Variants in AOPEP observed in about 807,000 individuals in gnomAD.
The protein encoded by AOPEP is aminopeptidase O (putative), also known as aminopeptidase O.
Under a neutral mutation model 98.1 loss-of-function variants are expected in AOPEP, and 77 were observed. That is an observed-to-expected ratio of 0.78 (90% CI 0.65 to 0.95). The LOEUF is 0.95. Ranked by LOEUF, AOPEP falls within the 40% of genes least tolerant of loss-of-function variation. AOPEP has a pLI of 0.00. For synonymous variants in AOPEP, 346 were observed against 365.3 expected, an observed-to-expected ratio of 0.95 and a Z score of 0.60; for missense variants, 1,024 against 1,024.7, an observed-to-expected ratio of 1.00 and a Z score of 0.01.
chr9:95,077,486 T>G (rs974387913), intron 14 of AOPEP, among the ~76,000 whole-genome samples: 2 of 152,204 alleles, frequency 1.3e-5, no homozygotes, highest in African/African-American at 4.8e-5. Context: ...GAGCATGCGC[T>G]GTCCCTGTTT....
intron 2 of AOPEP, among the ~76,000 whole-genome samples, chr9:94,765,724 A>G (rs901104670): frequency 7.2e-5 from 11 of 152,084 alleles, no homozygotes; most frequent in African/African-American, 2.7e-4. Flanking sequence ...AACATATTTG[A>G]AGCTGTAAAG....
chr9:94,927,474 A>G (rs1459725236), intron 6 of AOPEP, among the ~76,000 whole-genome samples: 6 of 152,006 alleles, frequency 3.9e-5, no homozygotes, highest in Non-Finnish European at 7.4e-5. Flanking sequence ...TTCTCTAAGC[A>G]CATCACACAC....
chr9:95,038,240 T>C (rs1238894777), intron 13 of AOPEP, among the ~76,000 whole-genome samples: 1 of 152,186 alleles, frequency 6.6e-6, no homozygotes, highest in Non-Finnish European at 1.5e-5. Context: ...CCTGGAAAAC[T>C]AGATACCATC....
At chr9:94,981,893 C>T (rs2060208443) in intron 11 of AOPEP, among the ~76,000 whole-genome samples, 1 of 152,126 alleles carries the variant, frequency 6.6e-6, no homozygotes, top group African/African-American at 2.4e-5. Flanking sequence ...GGCTTTTTGT[C>T]TTCTCTCAGG....
chr9:95,009,554 G>A (rs952455043), intron 13 of AOPEP, among the ~76,000 whole-genome samples: 2 of 152,104 alleles, frequency 1.3e-5, no homozygotes, highest in African/African-American at 4.8e-5. Context: ...GTATTCATTG[G>A]CTCACTTTCA....
At chr9:95,150,056 G>A in the AOPEP span, 265 of 1,613,952 alleles carry the variant, frequency 1.6e-4, no homozygotes, top group Non-Finnish European at 2.2e-4. Flanking sequence ...ACACAAACTC[G>A]TGACAGGGAC....
At position 95,085,941 on chromosome 9, in the gene AOPEP, G is replaced by T; in HGVS notation, c.*5-741G>T. Reference sequence around the variant, plus strand: ...TCTTGTATTTGCAGTCCAGGCCTTCGCGTCTCCTGCGCCAGCAGACGGTGC... The same window carrying T: ...TCTTGTATTTGCAGTCCAGGCCTTCTCGTCTCCTGCGCCAGCAGACGGTGC... On this transcript the variant is annotated intron_variant, in intron 16 of 16. Transcript: ENST00000375315. 2.3e-6 allele frequency: 3 copies of T among 1,317,242 alleles called. No homozygotes were observed. The South Asian group carries it at 3.7e-5, about 16-fold the overall frequency. 81.6% of individuals were successfully genotyped at this position (1,317,242 alleles called of 1,614,324 possible).
intron 5 of AOPEP, among the ~76,000 whole-genome samples, chr9:94,829,569 G>A (rs1855485563): frequency 6.6e-6 from 1 of 152,136 alleles, no homozygotes; most frequent in African/African-American, 2.4e-5. Flanking sequence ...GCCAGGGTAC[G>A]GGGCAGTTTC....
At chr9:94,828,736 T>A (rs1057512271) in intron 5 of AOPEP, among the ~76,000 whole-genome samples, 4 of 151,202 alleles carry the variant, frequency 2.6e-5, no homozygotes, top group South Asian at 4.2e-4. Context: ...ACACACACAA[T>A]ATATATATAT....
intron 11 of AOPEP, chr9:95,004,234 G>A (rs545540999): frequency 4.4e-6 from 2 of 456,492 alleles, no homozygotes; most frequent in African/African-American, 2.0e-5. Context: ...ATGCGGATGA[G>A]AAGGCCTTTG....
intron 13 of AOPEP, among the ~76,000 whole-genome samples, chr9:95,030,927 T>G (rs1420851680): frequency 6.6e-6 from 1 of 152,258 alleles, no homozygotes; most frequent in Non-Finnish European, 1.5e-5. Flanking sequence ...CTTTCTGGCT[T>G]TTATTAAAAT....
intron 13 of AOPEP, among the ~76,000 whole-genome samples, chr9:95,021,456 T>C (rs1457140718): frequency 6.6e-6 from 1 of 152,210 alleles, no homozygotes; most frequent in Admixed American, 6.5e-5. Context: ...TCCTTGAGTC[T>C]TTATTGAAGA....
intron 13 of AOPEP, among the ~76,000 whole-genome samples, chr9:95,041,446 G>T (rs7853808): frequency 0.065 from 9,170 of 141,968 alleles, 360 homozygotes; most frequent in South Asian, 0.1. Flanking sequence ...AGTCCTTGGG[G>T]GTGTGTGTGT....
the AOPEP span, among the ~76,000 whole-genome samples, chr9:95,138,002 G>C: frequency 6.6e-6 from 1 of 152,272 alleles, no homozygotes; most frequent in Non-Finnish European, 1.5e-5. Context: ...GTGGGGCCTA[G>C]TGTGCTCCTG....
At chr9:95,057,096 C>A (rs1487812456) in intron 13 of AOPEP, among the ~76,000 whole-genome samples, 2 of 152,170 alleles carry the variant, frequency 1.3e-5, no homozygotes, top group Non-Finnish European at 1.5e-5. Flanking sequence ...CACTGTTGGG[C>A]CCCCAGAAAT....
At chr9:95,012,986 T>TGG (rs1337930411) in intron 13 of AOPEP, among the ~76,000 whole-genome samples, 192 of 91,760 alleles carry the variant, frequency 2.1e-3, no homozygotes, top group Middle Eastern at 4.8e-3. Flanking sequence ...TGTTTTTTTT[T>TGG]TGGGGGGGGG....
chr9:94,979,614 C>G (rs752976857), intron 11 of AOPEP, among the ~76,000 whole-genome samples, 187 bp downstream of exon 11: 5 of 152,250 alleles, frequency 3.3e-5, no homozygotes, highest in African/African-American at 4.8e-5. Context: ...GGGTGTGCCT[C>G]TGGCCACTTT....
chr9:95,005,948 G>A, intron 13 of AOPEP: 1 of 498,444 alleles, frequency 2.0e-6, no homozygotes, highest in Non-Finnish European at 4.0e-6. Context: ...AAAGTGTTCC[G>A]AATAAATCGC....
chr9:94,986,314 A>T (rs2060514303), intron 11 of AOPEP, among the ~76,000 whole-genome samples: 1 of 152,092 alleles, frequency 6.6e-6, no homozygotes, highest in African/African-American at 2.4e-5. Flanking sequence ...TTTTACCTTA[A>T]TTTCCTCCCT....
Sources: gnomAD v4.1 joint callset for allele counts (sites outside exome capture counted in the v4.1 genomes callset) on GRCh38, gnomAD v4.1.1 for gene constraint, MANE v1.5 for transcripts, NCBI Gene and HGNC (gene_info 2026-07-23, HGNC 2026-07-21) for gene names.